The following BCAT1 variants were observed in gnomAD, a reference collection of about 807,000 sequenced individuals.
BCAT1 encodes branched-chain-amino-acid aminotransferase, cytosolic.
BCAT1 carries 48 observed loss-of-function variants against 52.4 expected under a neutral mutation model. The observed-to-expected ratio is 0.92, with a 90% CI of 0.73 to 1.16. The LOEUF is 1.16. Among genes scored for constraint, BCAT1 ranks in the 50% most tolerant of loss-of-function variants. The pLI, the probability that BCAT1 is intolerant of heterozygous loss-of-function variation, is 0.00. For missense variants in BCAT1, 451 were observed against 457.1 expected, an observed-to-expected ratio of 0.99 and a Z score of 0.12; for synonymous variants, 167 against 161.3, an observed-to-expected ratio of 1.04 and a Z score of -0.27.
At chr12:24,880,699 G>A (rs1489947704) in intron 4 of BCAT1, among the ~76,000 whole-genome samples, 1 of 152,066 alleles carries the variant, frequency 6.6e-6, no homozygotes, top group Non-Finnish European at 1.5e-5. Flanking sequence ...ATTTCATGTG[G>A]TCTTCAAATA....
intron 1 of BCAT1, among the ~76,000 whole-genome samples, chr12:24,942,053 C>T (rs1042281306): frequency 1.3e-5 from 2 of 152,112 alleles, no homozygotes; most frequent in East Asian, 1.9e-4. Context: ...ATAGATTTTG[C>T]GTGGTGGAAT....
At chr12:24,910,345 C>G (rs1943300796) in intron 1 of BCAT1, among the ~76,000 whole-genome samples, 1 of 151,776 alleles carries the variant, frequency 6.6e-6, no homozygotes, top group African/African-American at 2.4e-5. Flanking sequence ...CCGCTGCACT[C>G]CAGCCTGGGT....
At chr12:24,824,683 T>C (rs975428389) in intron 10 of BCAT1, among the ~76,000 whole-genome samples, 2 of 152,196 alleles carry the variant, frequency 1.3e-5, no homozygotes, top group Non-Finnish European at 2.9e-5. Flanking sequence ...GTACAATTTG[T>C]TTAAGAAAAT....
intron 3 of BCAT1, among the ~76,000 whole-genome samples, chr12:24,884,432 A>T (rs967661978): frequency 6.6e-6 from 1 of 152,350 alleles, no homozygotes; most frequent in Non-Finnish European, 1.5e-5. Flanking sequence ...CAGCATGGTG[A>T]CTGTAGTTAA....
intron 1 of BCAT1, among the ~76,000 whole-genome samples, chr12:24,909,800 C>T (rs556550959): frequency 6.6e-6 from 1 of 152,298 alleles, no homozygotes; most frequent in Admixed American, 6.5e-5. Context: ...TGCTTTCTTC[C>T]TCTTGGAAGG....
At chr12:24,879,036 C>T (rs563063014) in intron 4 of BCAT1, among the ~76,000 whole-genome samples, 8 of 152,212 alleles carry the variant, frequency 5.3e-5, no homozygotes, top group Middle Eastern at 3.4e-3. Context: ...ACCATACCCC[C>T]CAATCAATTC....
chr12:24,938,337 A>G (rs1440847328), intron 1 of BCAT1, among the ~76,000 whole-genome samples: 1 of 152,220 alleles, frequency 6.6e-6, no homozygotes, highest in African/African-American at 2.4e-5. Flanking sequence ...TAAGACCAGG[A>G]GGAGCAGGAA....
chr12:24,816,506 C>T lies in BCAT1; in HGVS notation c.*1502G>A. On this transcript the variant is annotated 3_prime_UTR_variant, in exon 11 of 11. Coordinates refer to ENST00000261192, the MANE Select transcript of BCAT1 (RefSeq NM_005504.7). ...AGTAGCTCTCCCTGCATCCTAACCA[C>T]TTGCTCATCAAATCTCCATTCAAAG... 1 of 397,118 alleles carries T rather than the reference C, an allele frequency of 2.5e-6. No homozygotes were observed. The highest frequency in any genetic ancestry group is 4.4e-6 in the Non-Finnish European group (1 of 225,670). The allele number at this position is 397,118 out of a possible 1,614,324, so 24.6% of individuals were successfully genotyped here.
At chr12:24,832,624 C>T (rs1434369684) in intron 9 of BCAT1, 99 bp downstream of exon 9, 15 of 1,353,012 alleles carry the variant, frequency 1.1e-5, no homozygotes, top group Non-Finnish European at 1.5e-5. Flanking sequence ...ACTTTTGCAT[C>T]TTGGGTCTGG....
At chr12:24,839,679 C>T (rs1239400138) in intron 7 of BCAT1, among the ~76,000 whole-genome samples, 1 of 152,198 alleles carries the variant, frequency 6.6e-6, no homozygotes, top group African/African-American at 2.4e-5. Flanking sequence ...CATCCACCTT[C>T]CTGCACCAGC....
intron 3 of BCAT1, among the ~76,000 whole-genome samples, chr12:24,892,069 G>GTTT (rs1942860355): frequency 6.8e-6 from 1 of 147,060 alleles, no homozygotes; most frequent in Non-Finnish European, 1.5e-5. Context: ...TTTTTGTTTT[G>GTTT]TTTTGTTTTG....
intron 6 of BCAT1, among the ~76,000 whole-genome samples, chr12:24,843,536 A>T (rs1941239617): frequency 6.6e-6 from 1 of 152,052 alleles, no homozygotes; most frequent in Admixed American, 6.6e-5. Context: ...TCGGGAGGCA[A>T]AAGTTGCAGT....
At chr12:24,864,529 A>C (rs1331968037) in intron 5 of BCAT1, among the ~76,000 whole-genome samples, 1 of 152,186 alleles carries the variant, frequency 6.6e-6, no homozygotes, top group Non-Finnish European at 1.5e-5. Flanking sequence ...CTGCCTGCTT[A>C]CGTGGTCACC....
rs527502977 is a variant in BCAT1 at position 24,910,320 on chromosome 12, T to C, written c.7-8435A>G. Among the ~76,000 whole-genome samples the C allele has an allele frequency of 2.6e-5, 4 of 152,016 alleles. No homozygotes were observed. In the South Asian group the frequency reaches 6.2e-4, roughly 24 times the overall value. On this transcript the variant is annotated intron_variant, in intron 1 of 10. Coordinates refer to ENST00000261192, the MANE Select transcript of BCAT1 (RefSeq NM_005504.7). ...TGAACCCAGGAGGTGGAGGTTGCAG[T>C]GAGCCGAGATCATGCCGCTGCACTC...
chr12:24,943,821 A>G, intron 1 of BCAT1, among the ~76,000 whole-genome samples: 1 of 151,912 alleles, frequency 6.6e-6, no homozygotes, highest in Non-Finnish European at 1.5e-5. Context: ...CGTCTCTACA[A>G]AAAATACAAA....
chr12:24,864,459 C>T (rs1171785139), intron 5 of BCAT1, among the ~76,000 whole-genome samples: 1 of 152,096 alleles, frequency 6.6e-6, no homozygotes, highest in Non-Finnish European at 1.5e-5. Flanking sequence ...GTCAATGGAG[C>T]AGTATGTGTG....
At chr12:24,905,564 T>G (rs1943211683) in intron 1 of BCAT1, among the ~76,000 whole-genome samples, 1 of 152,210 alleles carries the variant, frequency 6.6e-6, no homozygotes, top group South Asian at 2.1e-4. Context: ...AAAGGTTTGC[T>G]CTAAATAATT....
chr12:24,948,175 T>C (rs1256848417), intron 1 of BCAT1, among the ~76,000 whole-genome samples: 1 of 152,256 alleles, frequency 6.6e-6, no homozygotes, highest in Non-Finnish European at 1.5e-5. Flanking sequence ...TTCACTTTCC[T>C]TGGAAAAAGT....
intron 5 of BCAT1, among the ~76,000 whole-genome samples, chr12:24,863,289 G>A (rs368740141): frequency 1.3e-5 from 2 of 152,214 alleles, no homozygotes; most frequent in African/African-American, 2.4e-5. Context: ...TGTAGAGAGC[G>A]CCAGGGCTCG....
Sources: gnomAD v4.1 joint callset for allele counts (sites outside exome capture counted in the v4.1 genomes callset) on GRCh38, gnomAD v4.1.1 for gene constraint, MANE v1.5 for transcripts, NCBI Gene and HGNC (gene_info 2026-07-23, HGNC 2026-07-21) for gene names.